Variants in JAZF1 observed in about 807,000 individuals in gnomAD.
The protein encoded by JAZF1 is JAZF zinc finger 1.
Under a neutral mutation model 26.4 loss-of-function variants are expected in JAZF1, and 8 were observed. The observed-to-expected ratio is 0.30, with a 90% CI of 0.18 to 0.55. The LOEUF is 0.55. JAZF1 is among the 20% of genes least tolerant of loss of function. The probability of loss-of-function intolerance (pLI) is 0.94; values close to 1 mark genes in which losing one functional copy is unlikely to be tolerated. For synonymous variants in JAZF1, 126 were observed against 122.3 expected, an observed-to-expected ratio of 1.03 and a Z score of -0.20; for missense variants, 199 against 322.0, an observed-to-expected ratio of 0.62 and a Z score of 2.92.
At chr7:28,041,215 C>A (rs1295801016) in intron 1 of JAZF1, among the ~76,000 whole-genome samples, 1 of 151,942 alleles carries the variant, frequency 6.6e-6, no homozygotes, top group Non-Finnish European at 1.5e-5. Flanking sequence ...GTGTTTGAGC[C>A]CAGTTCTGTG....
chr7:27,860,571 C>CT (rs1485381653), intron 3 of JAZF1, among the ~76,000 whole-genome samples: 1 of 152,208 alleles, frequency 6.6e-6, no homozygotes, highest in Non-Finnish European at 1.5e-5. Context: ...GCTCTAAGCG[C>CT]TGTACATCTA....
chr7:28,156,482 A>G lies in JAZF1; in HGVS notation c.115+23981T>C, dbSNP rs1048293421. Among the ~76,000 whole-genome samples the G allele has an allele frequency of 4.1e-4, 63 of 152,350 alleles. 1 individual carries two copies. Among genetic ancestry groups the G allele is most frequent in the African/African-American group, 1.4e-3 (59 of 41,574 alleles). Reference sequence around the variant, plus strand: ...TGATAAGAAGTTTAGGTAAGTGGAGAAAATGTTTGTTGATTCCCCAGAAAG... The same window carrying G: ...TGATAAGAAGTTTAGGTAAGTGGAGGAAATGTTTGTTGATTCCCCAGAAAG... On this transcript the variant is annotated intron_variant, in intron 1 of 4. Coordinates refer to ENST00000283928, the MANE Select transcript of JAZF1 (RefSeq NM_175061.4).
chr7:27,877,078 GC>G (rs1195364247), intron 3 of JAZF1, among the ~76,000 whole-genome samples: 6 of 152,220 alleles, frequency 3.9e-5, no homozygotes, highest in African/African-American at 1.4e-4. Context: ...TACCGAGAGG[GC>G]GCTAGACTTT....
intron 3 of JAZF1, among the ~76,000 whole-genome samples, chr7:27,867,148 A>C (rs1206245969): frequency 6.6e-6 from 1 of 152,204 alleles, no homozygotes; most frequent in Non-Finnish European, 1.5e-5. Flanking sequence ...ACACCTACAG[A>C]CAGGGTGGAT....
chr7:27,945,463 AAAATCAGATC>A (rs1443688124), intron 2 of JAZF1, among the ~76,000 whole-genome samples: 2 of 152,160 alleles, frequency 1.3e-5, no homozygotes, highest in African/African-American at 2.4e-5. Context: ...GTGTGTCCCT[AAAATCAGATC>A]TTTTCAGTTC....
At chr7:28,033,629 T>G (rs927468781) in intron 1 of JAZF1, among the ~76,000 whole-genome samples, 1 of 152,150 alleles carries the variant, frequency 6.6e-6, no homozygotes, top group South Asian at 2.1e-4. Context: ...GTAAATACTA[T>G]CCTTTGTGCT....
intron 1 of JAZF1, among the ~76,000 whole-genome samples, chr7:28,000,046 A>T (rs185251829): frequency 1.8e-3 from 267 of 152,346 alleles, no homozygotes; most frequent in South Asian, 9.7e-3. Flanking sequence ...GTAGCGAATC[A>T]TTCACAGGTG....
intron 2 of JAZF1, among the ~76,000 whole-genome samples, chr7:27,932,964 G>A (rs1446614437): frequency 1.3e-5 from 2 of 152,174 alleles, no homozygotes; most frequent in East Asian, 3.9e-4. Context: ...TGATATACAA[G>A]ATCTGGTAAC....
chr7:27,915,012 A>G (rs923955061), intron 2 of JAZF1, among the ~76,000 whole-genome samples: 1 of 152,194 alleles, frequency 6.6e-6, no homozygotes, highest in African/African-American at 2.4e-5. Flanking sequence ...AACCAATAAG[A>G]TGGCAACCAC....
At chr7:27,892,241 T>G (rs213) in intron 3 of JAZF1, among the ~76,000 whole-genome samples, 2 of 152,128 alleles carry the variant, frequency 1.3e-5, no homozygotes, top group Non-Finnish European at 1.5e-5. Flanking sequence ...GATGTTTACA[T>G]GGAATGTTCT....
At chr7:27,844,742 C>A (rs1016245777) in intron 3 of JAZF1, among the ~76,000 whole-genome samples, 2 of 152,226 alleles carry the variant, frequency 1.3e-5, no homozygotes, top group Admixed American at 6.5e-5. Context: ...ATACCCCCTT[C>A]TCGCACCTCA....
intron 1 of JAZF1, among the ~76,000 whole-genome samples, chr7:28,158,914 A>G (rs1002057037): frequency 1.3e-5 from 2 of 152,122 alleles, no homozygotes; most frequent in Non-Finnish European, 2.9e-5. Flanking sequence ...TAGGCCTTGG[A>G]CCAGCCTTCC....
rs562403310 is a variant in JAZF1 at position 28,165,905 on chromosome 7, C to T, written c.115+14558G>A. On this transcript the variant is annotated intron_variant, in intron 1 of 4. Coordinates refer to ENST00000283928, the MANE Select transcript of JAZF1 (RefSeq NM_175061.4). ...TAACTGTGTAGTTCACTACTATAAC[C>T]CCAGCTCCTAGACAGTGCCTGCATA... Among the ~76,000 whole-genome samples, 6 of 152,244 alleles carry T rather than the reference C, an allele frequency of 3.9e-5. No individual in the cohort carries two copies. The South Asian group carries it at 1.2e-3, about 32-fold the overall frequency.
intron 1 of JAZF1, among the ~76,000 whole-genome samples, chr7:28,111,201 T>C (rs1784656801): frequency 6.6e-6 from 1 of 152,240 alleles, no homozygotes; most frequent in Non-Finnish European, 1.5e-5. Flanking sequence ...AAAGTAATGC[T>C]AATCCAGTTA....
intron 2 of JAZF1, among the ~76,000 whole-genome samples, chr7:27,975,314 A>C (rs1262268149): frequency 6.6e-6 from 1 of 152,132 alleles, no homozygotes; most frequent in African/African-American, 2.4e-5. Flanking sequence ...CATGATCTCA[A>C]GGACAGCACC....
At chr7:27,860,019 G>A (rs1783349958) in intron 3 of JAZF1, among the ~76,000 whole-genome samples, 2 of 152,138 alleles carry the variant, frequency 1.3e-5, no homozygotes, top group Admixed American at 6.5e-5. Context: ...GTGGGAGGAG[G>A]TGCTCCTTAC....
chr7:27,874,554 C>T (rs574937928), intron 3 of JAZF1, among the ~76,000 whole-genome samples: 2 of 152,204 alleles, frequency 1.3e-5, no homozygotes, highest in East Asian at 1.9e-4. Flanking sequence ...GACAGACATC[C>T]GAACCTTAGA....
intron 2 of JAZF1, among the ~76,000 whole-genome samples, chr7:27,929,958 CT>C (rs1784660221): frequency 6.7e-6 from 1 of 149,328 alleles, no homozygotes; most frequent in African/African-American, 2.5e-5. Context: ...CTCTCTCTCT[CT>C]CCCCCTCTCT....
chr7:27,896,458 C>A (rs1362147014), intron 2 of JAZF1, among the ~76,000 whole-genome samples: 1 of 152,194 alleles, frequency 6.6e-6, no homozygotes, highest in Non-Finnish European at 1.5e-5. Flanking sequence ...TCCCCACCAC[C>A]TAGGCTAAGA....
Sources: allele counts gnomAD v4.1 joint callset (sites outside exome capture counted in the v4.1 genomes callset), GRCh38; gene constraint gnomAD v4.1.1; transcripts MANE v1.5; gene names NCBI Gene and HGNC (gene_info 2026-07-23, HGNC 2026-07-21).